The following NOX4 variants were observed in gnomAD, a reference collection of about 807,000 sequenced individuals.
NOX4 encodes NADPH oxidase 4, also known as kidney oxidase-1.
In NOX4, 69 loss-of-function variants were observed where a neutral mutation model predicts 87.6. The observed-to-expected ratio is 0.79, with a 90% CI of 0.65 to 0.96. The LOEUF is 0.96. Ranked by LOEUF, NOX4 falls within the 40% of genes least tolerant of loss-of-function variation. The probability of loss-of-function intolerance (pLI) is 0.00; values close to 1 mark genes in which losing one functional copy is unlikely to be tolerated. For synonymous variants in NOX4, 275 were observed against 238.2 expected (o/e 1.15, Z -1.42); for missense variants, 680 against 681.5 (o/e 1.00, Z 0.02).
chr11:89,502,253 C>T (rs373877814), upstream of NOX4, among the ~76,000 whole-genome samples: 25 of 152,078 alleles, frequency 1.6e-4, no homozygotes, highest in East Asian at 4.5e-3. Context: ...TAATAGAACC[C>T]CACGAGTCTT....
At chr11:89,524,602 T>A in the NOX4 span, among the ~76,000 whole-genome samples, 2 of 152,032 alleles carry the variant, frequency 1.3e-5, no homozygotes, top group South Asian at 2.1e-4. Flanking sequence ...AAGGGCACAT[T>A]CCAAGAAGAG....
At chr11:89,533,141 A>G in the NOX4 span, among the ~76,000 whole-genome samples, 1 of 152,208 alleles carries the variant, frequency 6.6e-6, no homozygotes, top group Non-Finnish European at 1.5e-5. Flanking sequence ...ATCAAACTAT[A>G]TAAAGTGTCT....
intron 8 of NOX4, among the ~76,000 whole-genome samples, chr11:89,410,886 C>A (rs2135224456): frequency 6.6e-6 from 1 of 152,258 alleles, no homozygotes; most frequent in Admixed American, 6.5e-5. Context: ...GAGACACTAG[C>A]CAGAGCAGCC....
At chr11:89,379,262 T>C (rs1412736159) in intron 11 of NOX4, among the ~76,000 whole-genome samples, 2 of 152,114 alleles carry the variant, frequency 1.3e-5, no homozygotes, top group South Asian at 2.1e-4. Flanking sequence ...CAAAGTCTCA[T>C]TGCCTTCAAA....
chr11:89,577,894 G>C, the NOX4 span, among the ~76,000 whole-genome samples: 1 of 152,122 alleles, frequency 6.6e-6, no homozygotes, highest in Non-Finnish European at 1.5e-5. Context: ...GAATTGAGGA[G>C]TGTGTATGAT....
intron 12 of NOX4, among the ~76,000 whole-genome samples, chr11:89,358,944 A>C (rs1035503192): frequency 6.6e-6 from 1 of 151,982 alleles, no homozygotes; most frequent in Non-Finnish European, 1.5e-5. Flanking sequence ...AAAAAAAAAA[A>C]CAGGATTTTC....
At chr11:89,470,682 A>G (rs544868501) in intron 2 of NOX4, among the ~76,000 whole-genome samples, 2 of 152,276 alleles carry the variant, frequency 1.3e-5, no homozygotes, top group East Asian at 3.9e-4. Flanking sequence ...CAAAGCCACT[A>G]TAGCTTTTCT....
the NOX4 span, among the ~76,000 whole-genome samples, chr11:89,525,411 C>G: frequency 6.6e-6 from 1 of 151,916 alleles, no homozygotes; most frequent in East Asian, 1.9e-4. Flanking sequence ...TTTGGCCATT[C>G]TAATGGATAT....
At chr11:89,469,277 C>G (rs912805491) in intron 2 of NOX4, among the ~76,000 whole-genome samples, 9 of 151,718 alleles carry the variant, frequency 5.9e-5, no homozygotes, top group Non-Finnish European at 5.9e-5. Context: ...GTTGAAAAAG[C>G]CAGAGAGGTT....
intron 17 of NOX4, among the ~76,000 whole-genome samples, chr11:89,327,420 T>C (rs1314673402): frequency 2.0e-5 from 3 of 152,160 alleles, no homozygotes; most frequent in Non-Finnish European, 4.4e-5. Flanking sequence ...ATATTCACAG[T>C]AAAACAAAAA....
At chr11:89,489,214 G>A (rs1467060019) in intron 2 of NOX4, among the ~76,000 whole-genome samples, 3 of 152,030 alleles carry the variant, frequency 2.0e-5, no homozygotes, top group Non-Finnish European at 4.4e-5. Flanking sequence ...GAGAATTACA[G>A]ATAAATAAGA....
chr11:89,433,480 G>C (rs1943919217), intron 6 of NOX4, among the ~76,000 whole-genome samples: 1 of 151,994 alleles, frequency 6.6e-6, no homozygotes, highest in African/African-American at 2.4e-5. Flanking sequence ...AAACACCATA[G>C]TACTAAATCT....
intron 2 of NOX4, among the ~76,000 whole-genome samples, chr11:89,476,816 C>T (rs190125048): frequency 1.4e-4 from 21 of 152,168 alleles, no homozygotes; most frequent in Non-Finnish European, 2.4e-4. Context: ...AAGAAGCACA[C>T]GGCCACATAA....
chr11:89,503,163 AT>A (rs1216403193), upstream of NOX4, among the ~76,000 whole-genome samples: 2 of 152,106 alleles, frequency 1.3e-5, no homozygotes, highest in Admixed American at 1.3e-4. Flanking sequence ...ATATGTTAAA[AT>A]TCCTTTTTAT....
At chr11:89,438,319 T>A (rs1944189252) in intron 6 of NOX4, among the ~76,000 whole-genome samples, 1 of 126,482 alleles carries the variant, frequency 7.9e-6, no homozygotes, top group Admixed American at 1.0e-4. Flanking sequence ...TAAACTTGCT[T>A]ATATATAGTA....
intron 6 of NOX4, among the ~76,000 whole-genome samples, chr11:89,435,388 A>G (rs566605375): frequency 1.4e-3 from 214 of 152,206 alleles, no homozygotes; most frequent in African/African-American, 4.9e-3. Flanking sequence ...AAATTACTTC[A>G]TCGAAAGAAC....
chr11:89,508,501 G>C, the NOX4 span, among the ~76,000 whole-genome samples: 1 of 152,044 alleles, frequency 6.6e-6, no homozygotes, highest in Non-Finnish European at 1.5e-5. Flanking sequence ...ACTATTTATG[G>C]TGTTTTGAAC....
the NOX4 span, among the ~76,000 whole-genome samples, chr11:89,539,578 CT>C: frequency 6.6e-6 from 1 of 151,722 alleles, no homozygotes; most frequent in Non-Finnish European, 1.5e-5. Flanking sequence ...CCTTTTTTGC[CT>C]TCCCCTCTCT....
At chr11:89,465,319 CT>C (rs112440492) in intron 2 of NOX4, among the ~76,000 whole-genome samples, 5,561 of 152,086 alleles carry the variant, frequency 0.037, 345 homozygotes, top group African/African-American at 0.13. Context: ...TGAACTCACC[CT>C]TTTTTATGGC....
Sources: allele counts gnomAD v4.1 joint callset (sites outside exome capture counted in the v4.1 genomes callset), GRCh38; gene constraint gnomAD v4.1.1; transcripts MANE v1.5; gene names NCBI Gene and HGNC (gene_info 2026-07-23, HGNC 2026-07-21).